Variants in GNAS observed in about 807,000 individuals in gnomAD.
GNAS encodes the protein GNAS complex locus.
GNAS carries 8 observed loss-of-function variants against 54.5 expected under a neutral mutation model. The observed-to-expected ratio is 0.15, with a 90% CI of 0.09 to 0.26. GNAS has a LOEUF of 0.26. Ranked by LOEUF, GNAS falls within the 10% of genes least tolerant of loss-of-function variation. The pLI is 1.00. For synonymous variants in GNAS, 204 were observed against 191.4 expected (o/e 1.07, Z -0.54); for missense variants, 170 against 529.8 (o/e 0.32, Z 6.67).
Position 58,841,844 on chromosome 20 carries a change from T to G in GNAS, c.43+958T>G. 8.1e-7 allele frequency: 1 copy of G among 1,230,992 alleles called. No homozygotes were observed. The highest frequency in any genetic ancestry group is 1.0e-6 in the Non-Finnish European group (1 of 987,966). The allele number at this position is 1,230,992 out of a possible 1,614,324, so 76.3% of individuals were successfully genotyped here. On this transcript the variant is annotated intron_variant, in intron 1 of 12. Coordinates refer to the GNAS transcript ENST00000306090. This position sits in a 1 kb window ranked among gnomAD's most constrained non-coding sequence, Gnocchi z 5.0. ...TCCTGGGCTGTTTGCGCAGGACCTC[T>G]GGAGGCCCTCGAGATCGTCGCAAGT... is the stretch of plus-strand genomic sequence containing the variant.
intron 1 of GNAS, among the ~76,000 whole-genome samples, chr20:58,876,102 A>G (rs1207769613): frequency 6.6e-6 from 1 of 152,156 alleles, no homozygotes; most frequent in South Asian, 2.1e-4. Context: ...GATTCCATTG[A>G]GGGCGGCCCA....
rs1601082599 is a variant in GNAS, at chr20:58,900,186, G to T, written c.257+1201G>T. On this transcript the variant is annotated intron_variant, in intron 3 of 12. Coordinates refer to ENST00000371085, the MANE Select transcript of GNAS (RefSeq NM_000516.7). ...TGTAGTATGACAACTATCCAAAAAG[G>T]CATCTCTATAAGAAATGACTAATTG... 10 of 569,038 alleles carry T rather than the reference G, an allele frequency of 1.8e-5. No homozygotes were observed. The East Asian group carries it at 2.9e-4, about 16-fold the overall frequency. The allele number at this position is 569,038 out of a possible 1,614,324, so 35.2% of individuals were successfully genotyped here.
intron 1 of GNAS, among the ~76,000 whole-genome samples, chr20:58,865,549 T>G (rs1305704323): frequency 6.7e-6 from 1 of 149,446 alleles, no homozygotes; most frequent in Non-Finnish European, 1.5e-5. Context: ...AAATACTTTT[T>G]TTTTTCCAGA....
intron 1 of GNAS, among the ~76,000 whole-genome samples, chr20:58,846,439 C>T (rs1176369936): frequency 6.6e-6 from 1 of 152,196 alleles, no homozygotes; most frequent in African/African-American, 2.4e-5. Context: ...CTGAGAGTTT[C>T]GTACAGACCT....
chr20:58,862,399 T>C (rs1055393432), intron 1 of GNAS, among the ~76,000 whole-genome samples: 19 of 152,090 alleles, frequency 1.2e-4, no homozygotes, highest in African/African-American at 4.6e-4. Flanking sequence ...CCTCAGGTGA[T>C]CTGCCCACCT....
chr20:58,842,101 TAG>T (rs2085758693), intron 1 of GNAS: 2 of 401,258 alleles, frequency 5.0e-6, no homozygotes, highest in Admixed American at 4.4e-5. Flanking sequence ...TCAGCACGGG[TAG>T]AGTTAAGTTT....
At chr20:58,846,000 T>C (rs1342568367) in intron 1 of GNAS, among the ~76,000 whole-genome samples, 2 of 152,110 alleles carry the variant, frequency 1.3e-5, no homozygotes, top group Non-Finnish European at 1.5e-5. Context: ...CACATGGCTA[T>C]GAGAAAGGCC....
chr20:58,842,668 G>GA, intron 1 of GNAS: 3 of 396,316 alleles, frequency 7.6e-6, no homozygotes, highest in Non-Finnish European at 1.3e-5. Context: ...CCCCTAAGTC[G>GA]AAATTCCTGC....
chr20:58,855,677 G>A (rs2086459589), intron 1 of GNAS: 1 of 688,736 alleles, frequency 1.5e-6, no homozygotes, highest in Non-Finnish European at 2.7e-6. Context: ...GGGGCCCCGG[G>A]GCCCCGGGAC....
In GNAS at chr20:58,891,850, C is replaced by T; in HGVS notation, c.124C>T (p.Arg42Cys). The T allele has an allele frequency of 1.6e-6, 2 of 1,232,800 alleles. No homozygotes were observed. Among genetic ancestry groups the T allele is most frequent in the Non-Finnish European group, 1.1e-6 (1 of 947,796 alleles). The allele number at this position is 1,232,800 out of a possible 1,614,324, so 76.4% of individuals were successfully genotyped here. ...KDKQVYRATH[R>C]LLLLGAGESG... ...CAAGCAGGTCTACCGGGCCACGCAC[C>T]GCCTGCTGCTGCTGGGTAAGGGCGG... Residue 42 changes from arginine to cysteine, a missense_variant, in exon 1 of 13, where the codon CGC (arginine) becomes TGC (cysteine). Physicochemically the swap from Arg to Cys is radical, Grantham distance 180. Around this residue, in one of 3 missense-constraint regions of GNAS, gnomAD observed 56 missense variants for 55.7 expected, o/e 1.01. Transcript: ENST00000371085.
intron 3 of GNAS, among the ~76,000 whole-genome samples, chr20:58,901,997 G>A (rs2090649700): frequency 6.6e-6 from 1 of 151,930 alleles, no homozygotes. Flanking sequence ...CTATGAATTG[G>A]TGAATCAGCC....
chr20:58,841,206 C>A lies in GNAS; in HGVS notation c.43+320C>A. On this transcript the variant is annotated intron_variant, in intron 1 of 12. Transcript: ENST00000306090. The surrounding 1 kb of genome is among the most constrained non-coding windows in gnomAD (Gnocchi z 5.0). ...AACGCACCCCAGATTTGGAGCTGCA[C>A]ACCCAAACGGCATTGGTAAGTCACT... 2 of 622,884 alleles carry A rather than the reference C, an allele frequency of 3.2e-6. No homozygotes were observed. Among genetic ancestry groups the A allele is most frequent in the South Asian group, 2.6e-5 (1 of 38,816 alleles). 38.6% of individuals were successfully genotyped at this position (622,884 alleles called of 1,614,324 possible).
chr20:58,865,423 A>AAT (rs1426738890), intron 1 of GNAS, among the ~76,000 whole-genome samples: 10 of 148,098 alleles, frequency 6.8e-5, no homozygotes, highest in Admixed American at 4.7e-4. Flanking sequence ...CATCTCAAAA[A>AAT]ATATATATAT....
Position 58,891,661 on chromosome 20 carries a change from C to T in GNAS, c.-66C>T. 1.0e-6 allele frequency: 1 copy of T among 972,612 alleles called. No individual in the cohort carries two copies. The highest frequency in any genetic ancestry group is 1.2e-6 in the Non-Finnish European group (1 of 823,830). 60.2% of individuals were successfully genotyped at this position (972,612 alleles called of 1,614,324 possible). On this transcript the variant is annotated 5_prime_UTR_variant, in exon 1 of 13. Coordinates refer to ENST00000371085, the MANE Select transcript of GNAS (RefSeq NM_000516.7). ...CGGCGCTGCCCCGGCCCTCCCGGCC[C>T]GCGTGAGGCCGCCCGCGCCCGCCGC...
intron 1 of GNAS, among the ~76,000 whole-genome samples, chr20:58,846,034 CA>C (rs1403330533): frequency 6.6e-6 from 1 of 152,044 alleles, no homozygotes; most frequent in African/African-American, 2.4e-5. Flanking sequence ...GCAGCAGGGA[CA>C]GAGGGTAAGT....
At chr20:58,852,747 A>G (rs2086231992) in intron 1 of GNAS, 1 of 214,350 alleles carries the variant, frequency 4.7e-6, no homozygotes, top group Admixed American at 5.8e-5. Flanking sequence ...GAGGAGTGGA[A>G]GGAGCCAAAA....
intron 1 of GNAS, among the ~76,000 whole-genome samples, chr20:58,847,251 A>G (rs1176509936): frequency 1.6e-4 from 6 of 36,742 alleles, no homozygotes; most frequent in Middle Eastern, 0.01. Flanking sequence ...ACTACCTCTA[A>G]TATCAGCCTT....
In GNAS at chr20:58,895,426, C is replaced by T. The variant is rs3730163; in HGVS notation, c.140-186C>T. On this transcript the variant is annotated intron_variant, in intron 1 of 12. Transcript: ENST00000371085. The stretch of plus-strand genomic sequence containing the variant: ...TGGATGGTGAAATACTGCAGGTAGA[C>T]ACTGAATTGGACATTGATTTCCTTT... 605 of 630,650 alleles carry T rather than the reference C, an allele frequency of 9.6e-4. 8 individuals carry two copies. The African/African-American group carries it at 9.9e-3, about 10-fold the overall frequency. 39.1% of individuals were successfully genotyped at this position (630,650 alleles called of 1,614,324 possible).
In GNAS at chr20:58,910,463, TTTAC is replaced by T; in HGVS notation, c.1038+66_1038+69del. ...CTCCTCTTTTTCTCATGGATGTAAATTTACTTAATTCCAAATTCAGGGGTTCAGC... is the reference window on the plus strand; with the variant it reads ...CTCCTCTTTTTCTCATGGATGTAAATTTAATTCCAAATTCAGGGGTTCAGC... On this transcript the variant is annotated intron_variant, in intron 12 of 12. Transcript: ENST00000371085. This position sits in a 1 kb window ranked among gnomAD's most constrained non-coding sequence, Gnocchi z 5.8. 2 of 1,357,148 alleles carry T rather than the reference TTTAC, an allele frequency of 1.5e-6. No individual in the cohort carries two copies. The highest frequency in any genetic ancestry group is 2.1e-6 in the Non-Finnish European group (2 of 946,506). The allele number at this position is 1,357,148 out of a possible 1,614,324, so 84.1% of individuals were successfully genotyped here.
Sources: allele counts gnomAD v4.1 joint callset (sites outside exome capture counted in the v4.1 genomes callset), GRCh38; gene constraint gnomAD v4.1.1; regional missense constraint gnomAD v4.1.1; non-coding constraint Gnocchi (gnomAD v3.1); transcripts MANE v1.5; gene names NCBI Gene and HGNC (gene_info 2026-07-23, HGNC 2026-07-21).